PSME4: variants seen among roughly 807,000 people sequenced by gnomAD.
PSME4 encodes the protein proteasome activator subunit 4.
A neutral mutation model predicts 253.9 loss-of-function variants in PSME4; 89 were observed. That is an observed-to-expected ratio of 0.35 (90% CI 0.30 to 0.42). The LOEUF (loss-of-function observed/expected upper bound fraction) is 0.42, where lower values mean the gene tolerates loss of function less well. Among genes scored for constraint, PSME4 ranks in the 10% least tolerant of loss-of-function variants. The pLI is 1.00. For synonymous variants in PSME4, 851 were observed against 759.2 expected (o/e 1.12, Z -1.99); for missense variants, 2,014 against 2,195.2 (o/e 0.92, Z 1.65).
chr2:53,959,618 A>T (rs1670391741), intron 1 of PSME4, among the ~76,000 whole-genome samples: 1 of 152,252 alleles, frequency 6.6e-6, no homozygotes, highest in South Asian at 2.1e-4. Context: ...TAAAAGTAGC[A>T]GAGAAAACTA....
intron 43 of PSME4, chr2:53,870,790 ATTTTTATT>A (rs1678838554): frequency 6.6e-6 from 1 of 151,670 alleles, no homozygotes; most frequent in Admixed American, 6.6e-5. Context: ...AATATACTCC[ATTTTTATT>A]TTTTTATTTT....
At chr2:53,872,919 A>C (rs1678953290) in intron 43 of PSME4, among the ~76,000 whole-genome samples, 2 of 151,730 alleles carry the variant, frequency 1.3e-5, no homozygotes, top group Admixed American at 1.3e-4. Flanking sequence ...TCACAGCTGT[A>C]AATATTTTAA....
chr2:53,934,328 A>C (rs558146023), intron 8 of PSME4, among the ~76,000 whole-genome samples: 73 of 152,346 alleles, frequency 4.8e-4, no homozygotes, highest in Non-Finnish European at 2.6e-4. Context: ...CCGGGCTACA[A>C]GTCTGGTTCC....
intron 1 of PSME4, among the ~76,000 whole-genome samples, chr2:53,966,431 G>T (rs1478044901): frequency 3.3e-5 from 5 of 152,166 alleles, no homozygotes; most frequent in African/African-American, 1.2e-4. Context: ...GGAGGCCGGG[G>T]TGGCCAGATC....
rs1189530557 is a variant in PSME4, at chr2:53,890,089, T to C, written c.4296+15A>G. On this transcript the variant is annotated intron_variant, in intron 37 of 46. Transcript: ENST00000404125. ...AATAGATCAGTTAGACAAAGAAAGATGTAGGGTAACTTACACAGGATGTTG... is the reference window on the plus strand; with the variant it reads ...AATAGATCAGTTAGACAAAGAAAGACGTAGGGTAACTTACACAGGATGTTG... 1.9e-6 allele frequency: 3 copies of C among 1,573,840 alleles called. No homozygotes were observed. The highest frequency in any genetic ancestry group is 3.3e-5 in the Admixed American group (2 of 59,844).
intron 32 of PSME4, 82 bp from the exon 33 acceptor site, chr2:53,895,818 C>A: frequency 1.5e-6 from 2 of 1,301,494 alleles, no homozygotes; most frequent in Admixed American, 2.4e-5. Context: ...ACAGTACCAG[C>A]ATAACTTTGT....
At chr2:53,874,318 T>C (rs1558643404) in intron 43 of PSME4, 21 bp downstream of exon 43, 2 of 1,597,164 alleles carry the variant, frequency 1.3e-6, no homozygotes, top group African/African-American at 2.7e-5. Flanking sequence ...GAATTTCCGT[T>C]TTCTATAACT....
intron 29 of PSME4, 118 bp from the exon 30 acceptor site, chr2:53,898,472 T>A: frequency 1.3e-6 from 1 of 751,020 alleles, no homozygotes. Flanking sequence ...TCCCACCACC[T>A]GACTGTAAAC....
intron 35 of PSME4, 75 bp from the exon 36 acceptor site, chr2:53,893,035 G>A: frequency 7.2e-7 from 1 of 1,386,924 alleles, no homozygotes; most frequent in Non-Finnish European, 9.9e-7. Flanking sequence ...TAATTATTCT[G>A]TACATTACTA....
In PSME4 at chr2:53,921,169, C is replaced by G. The variant is rs904830605; in HGVS notation, c.2047-65G>C. On this transcript the variant is annotated intron_variant, in intron 17 of 46. Transcript: ENST00000404125. ...AAAGAACAAGAACCAATCATTAATGCAAAGTTCAATGTTTGGCCACTAACC... is the reference window on the plus strand; with the variant it reads ...AAAGAACAAGAACCAATCATTAATGGAAAGTTCAATGTTTGGCCACTAACC... The G allele has an allele frequency of 1.9e-6, 3 of 1,598,056 alleles. No individual in the cohort carries two copies. In the African/African-American group the frequency reaches 4.0e-5, roughly 22 times the overall value.
intron 36 of PSME4, among the ~76,000 whole-genome samples, chr2:53,892,328 A>G (rs887226987): frequency 2.0e-5 from 3 of 152,206 alleles, no homozygotes; most frequent in Non-Finnish European, 4.4e-5. Flanking sequence ...TGTGAAAACT[A>G]TATCTTACAA....
intron 41 of PSME4, among the ~76,000 whole-genome samples, chr2:53,879,801 C>CAAAAAAAAAA (rs55730803): frequency 1.1e-5 from 1 of 89,944 alleles, no homozygotes; most frequent in Non-Finnish European, 2.1e-5. Flanking sequence ...GACCCTGTCT[C>CAAAAAAAAAA]AAAAAAAAAA....
At chr2:53,931,805 C>G (rs768643975) in intron 10 of PSME4, 30 bp downstream of exon 10, 2 of 1,607,828 alleles carry the variant, frequency 1.2e-6, no homozygotes, top group Non-Finnish European at 1.7e-6. Context: ...AAAAACCTAG[C>G]TGTGGCTGAG....
chr2:53,965,663 T>A (rs560461330), intron 1 of PSME4, among the ~76,000 whole-genome samples: 173 of 113,538 alleles, frequency 1.5e-3, no homozygotes, highest in African/African-American at 5.4e-3. Flanking sequence ...TGGTTGTGTG[T>A]TTTTTTGTTT....
In PSME4 at chr2:53,901,570, A is replaced by C; in HGVS notation, c.3076-11T>G. 2 of 1,587,734 alleles carry C rather than the reference A, an allele frequency of 1.3e-6. No individual in the cohort carries two copies. The highest frequency in any genetic ancestry group is 1.7e-6 in the Non-Finnish European group (2 of 1,159,912). The stretch of plus-strand genomic sequence containing the variant: ...ACAGTACAAGGCACCCTGCAGAAAA[A>C]AAAATATATATATGTTTACATGGGA... On this transcript the variant is annotated splice_polypyrimidine_tract_variant and intron_variant, in intron 27 of 46. Transcript: ENST00000404125.
At chr2:53,916,858 G>A (rs1668084302) in intron 20 of PSME4, among the ~76,000 whole-genome samples, 1 of 151,964 alleles carries the variant, frequency 6.6e-6, no homozygotes, top group African/African-American at 2.4e-5. Flanking sequence ...ATTCTATTAA[G>A]AACTTGCAAA....
At chr2:53,886,387 G>C (rs1679639160) in intron 40 of PSME4, among the ~76,000 whole-genome samples, 1 of 152,204 alleles carries the variant, frequency 6.6e-6, no homozygotes, top group African/African-American at 2.4e-5. Context: ...AGGCAGCAGA[G>C]GGCTGGGTAA....
At chr2:53,895,138 A>G (rs1029699693) in intron 33 of PSME4, 62 bp from the exon 34 acceptor site, 9 of 1,430,116 alleles carry the variant, frequency 6.3e-6, no homozygotes, top group Non-Finnish European at 8.6e-6. Flanking sequence ...CTTCATGGAT[A>G]GAAAGCATTA....
At position 53,969,687 on chromosome 2, in the gene PSME4, GTT is replaced by G. The variant is rs61560289; in HGVS notation, c.242+854_242+855del. 2.9e-3 allele frequency among the ~76,000 whole-genome samples: 406 copies of G among 138,964 alleles called. 3 individuals are homozygous for G. Among genetic ancestry groups the G allele is most frequent in the African/African-American group, 9.6e-3 (365 of 37,846 alleles). The allele number at this position is 138,964 out of a possible 152,430, so 91.2% of individuals were successfully genotyped here. Reference sequence around the variant, plus strand: ...TTTTTCCCCCACTGTATTTTCACTCGTTTTTTTTTTTTTTTTCCTAATTTCAG... The same window carrying G: ...TTTTTCCCCCACTGTATTTTCACTCGTTTTTTTTTTTTTTCCTAATTTCAG... On this transcript the variant is annotated intron_variant, in intron 1 of 46. Coordinates refer to ENST00000404125, the MANE Select transcript of PSME4 (RefSeq NM_014614.3).
Sources: allele counts gnomAD v4.1 joint callset (sites outside exome capture counted in the v4.1 genomes callset), GRCh38; gene constraint gnomAD v4.1.1; transcripts MANE v1.5; gene names NCBI Gene and HGNC (gene_info 2026-07-23, HGNC 2026-07-21).